SHISAL1: variants seen among roughly 807,000 people sequenced by gnomAD.
SHISAL1 encodes the protein protein shisa-like-1.
SHISAL1 carries 9 observed loss-of-function variants against 22.6 expected under a neutral mutation model. The ratio of observed to expected loss-of-function variants is 0.40; its 90% CI spans 0.24 to 0.70. The LOEUF is 0.70. Ranked by LOEUF, SHISAL1 falls within the 30% of genes least tolerant of loss-of-function variation. The probability of loss-of-function intolerance (pLI) is 0.39; values close to 1 mark genes in which losing one functional copy is unlikely to be tolerated. For synonymous variants in SHISAL1, 119 were observed against 115.4 expected, an observed-to-expected ratio of 1.03 and a Z score of -0.20; for missense variants, 246 against 270.6, an observed-to-expected ratio of 0.91 and a Z score of 0.64.
chr22:44,250,928 A>C lies in SHISAL1; in HGVS notation c.*-1243T>G, dbSNP rs1025665551. On this transcript the variant is annotated intron_variant, in intron 4 of 4. Transcript: ENST00000381176. The stretch of plus-strand genomic sequence containing the variant: ...AAAGCCCACCTCCCCAGAGTGAGTG[A>C]TACGCCAAGAGGCAGAACCTACTCT... 7.2e-5 allele frequency among the ~76,000 whole-genome samples: 11 copies of C among 152,352 alleles called. 1 individual carries two copies. Among genetic ancestry groups the C allele is most frequent in the Admixed American group, 4.6e-4 (7 of 15,310 alleles).
chr22:44,261,521 G>A (rs5764152), intron 4 of SHISAL1, among the ~76,000 whole-genome samples: 14,432 of 152,126 alleles, frequency 0.095, 761 homozygotes, highest in South Asian at 0.13. Context: ...CTGCCCCTCA[G>A]AAGCTGTGTG....
intron 4 of SHISAL1, among the ~76,000 whole-genome samples, chr22:44,284,897 G>GCCTGCCTGCCTTCCTGCCTTCCTT (rs570595554): frequency 3.0e-5 from 4 of 134,504 alleles, no homozygotes; most frequent in Non-Finnish European, 4.7e-5. Flanking sequence ...CTGCCTTCCT[G>GCCTGCCTGCCTTCCTGCCTTCCTT]CCTTCCTTCC....
At chr22:44,257,149 A>T (rs1218904223) in intron 4 of SHISAL1, among the ~76,000 whole-genome samples, 1 of 152,182 alleles carries the variant, frequency 6.6e-6, no homozygotes, top group African/African-American at 2.4e-5. Flanking sequence ...GTGGAAGGCA[A>T]TTTGACACAT....
At chr22:44,259,911 A>T (rs1251715605) in intron 4 of SHISAL1, among the ~76,000 whole-genome samples, 1 of 152,190 alleles carries the variant, frequency 6.6e-6, no homozygotes, top group Non-Finnish European at 1.5e-5. Context: ...CGCTCCCTGC[A>T]CTGCAAGCAT....
At chr22:44,300,256 A>C (rs1342468532) in intron 2 of SHISAL1, among the ~76,000 whole-genome samples, 2 of 151,968 alleles carry the variant, frequency 1.3e-5, no homozygotes, top group Non-Finnish European at 2.9e-5. Flanking sequence ...GAGACACAGA[A>C]AGACAGAGGG....
At chr22:44,309,629 C>T (rs1365541253) in intron 1 of SHISAL1, among the ~76,000 whole-genome samples, 2 of 152,202 alleles carry the variant, frequency 1.3e-5, no homozygotes, top group Admixed American at 1.3e-4. Flanking sequence ...CTCCACGACT[C>T]ATAAGAGTGT....
intron 1 of SHISAL1, among the ~76,000 whole-genome samples, chr22:44,307,541 T>C (rs1569226921): frequency 6.6e-6 from 1 of 152,130 alleles, no homozygotes; most frequent in East Asian, 1.9e-4. Flanking sequence ...ATTGGTAAAC[T>C]TCCTAAGATG....
At chr22:44,318,800 G>A in the SHISAL1 span, among the ~76,000 whole-genome samples, 1 of 152,242 alleles carries the variant, frequency 6.6e-6, no homozygotes, top group African/African-American at 2.4e-5. Flanking sequence ...AAGTGAGTAA[G>A]GGCTGTTCAT....
chr22:44,280,827 C>T (rs970575503), intron 4 of SHISAL1, among the ~76,000 whole-genome samples: 2 of 152,212 alleles, frequency 1.3e-5, no homozygotes, highest in East Asian at 1.9e-4. Flanking sequence ...AGGGGAGGCT[C>T]GGGGCAGGCA....
At chr22:44,254,896 C>T (rs2055073840) in intron 4 of SHISAL1, among the ~76,000 whole-genome samples, 1 of 152,200 alleles carries the variant, frequency 6.6e-6, no homozygotes, top group Non-Finnish European at 1.5e-5. Flanking sequence ...TTTCTTCCAA[C>T]TTCCCTGCAG....
intron 4 of SHISAL1, 64 bp from the exon 5 acceptor site, chr22:44,249,749 G>A (rs2147265435): frequency 1.3e-6 from 1 of 776,222 alleles, no homozygotes; most frequent in Admixed American, 1.7e-5. Flanking sequence ...ATTTCTCTCT[G>A]GCCTCAGTGC....
upstream of SHISAL1, among the ~76,000 whole-genome samples, chr22:44,317,669 A>G (rs78017118): frequency 0.04 from 6,162 of 152,256 alleles, 194 homozygotes; most frequent in Non-Finnish European, 0.061. Context: ...CCCAGGAAGA[A>G]TAAACCACTG....
chr22:44,307,671 C>T (rs937897912), intron 1 of SHISAL1, among the ~76,000 whole-genome samples: 3 of 152,092 alleles, frequency 2.0e-5, no homozygotes, highest in Admixed American at 6.5e-5. Flanking sequence ...TGCATCTCTG[C>T]GGGCCACCCC....
upstream of SHISAL1, among the ~76,000 whole-genome samples, chr22:44,314,778 T>C (rs2055546991): frequency 6.6e-6 from 1 of 152,086 alleles, no homozygotes; most frequent in African/African-American, 2.4e-5. Flanking sequence ...GAGACAGCCC[T>C]GGAGACGGCC....
intron 3 of SHISAL1, among the ~76,000 whole-genome samples, chr22:44,294,182 G>C (rs768986957): frequency 2.6e-5 from 4 of 152,212 alleles, no homozygotes; most frequent in African/African-American, 7.2e-5. Flanking sequence ...AGATCTGATT[G>C]CAGCCCTGAT....
At chr22:44,329,634 C>T in the SHISAL1 span, among the ~76,000 whole-genome samples, 1 of 152,206 alleles carries the variant, frequency 6.6e-6, no homozygotes, top group African/African-American at 2.4e-5. Context: ...CCGGGGCTGC[C>T]TGGTTGCAGA....
Position 44,249,509 on chromosome 22 carries a change from G to A in SHISAL1, c.*176C>T, listed in dbSNP as rs2147265219. 11 of 413,772 alleles carry A rather than the reference G, an allele frequency of 2.7e-5. No individual in the cohort carries two copies. Among genetic ancestry groups the A allele is most frequent in the Non-Finnish European group, 4.3e-5 (9 of 208,922 alleles). 25.6% of individuals were successfully genotyped at this position (413,772 alleles called of 1,614,324 possible). On this transcript the variant is annotated 3_prime_UTR_variant, in exon 5 of 5. Coordinates refer to ENST00000381176, the MANE Select transcript of SHISAL1 (RefSeq NM_001099294.2). ...ACCCCCAGCCCCTACCCCTGAGTTT[G>A]CTCCTAATCTTAGAAGTCCGCGGAA...
At chr22:44,265,964 A>T (rs2055158521) in intron 4 of SHISAL1, among the ~76,000 whole-genome samples, 1 of 152,222 alleles carries the variant, frequency 6.6e-6, no homozygotes, top group East Asian at 1.9e-4. Flanking sequence ...GTTCCCCCAG[A>T]GTGAGCTGGT....
intron 4 of SHISAL1, among the ~76,000 whole-genome samples, chr22:44,259,864 G>A (rs1247925941): frequency 6.6e-6 from 1 of 152,096 alleles, no homozygotes; most frequent in Non-Finnish European, 1.5e-5. Context: ...TAGCTCTTCA[G>A]GAGTGCAATT....
Sources: gnomAD v4.1 joint callset for allele counts (sites outside exome capture counted in the v4.1 genomes callset) on GRCh38, gnomAD v4.1.1 for gene constraint, MANE v1.5 for transcripts, NCBI Gene and HGNC (gene_info 2026-07-23, HGNC 2026-07-21) for gene names.